PTPRT: variants seen among roughly 807,000 people sequenced by gnomAD.
PTPRT encodes protein tyrosine phosphatase receptor type T, also known as receptor-type tyrosine-protein phosphatase T.
A neutral mutation model predicts 176.8 loss-of-function variants in PTPRT; 56 were observed. The ratio of observed to expected loss-of-function variants is 0.32; its 90% confidence interval spans 0.26 to 0.40. The LOEUF (loss-of-function observed/expected upper bound fraction) is 0.40, where lower values mean the gene tolerates loss of function less well. PTPRT is among the 10% of genes least tolerant of loss of function. The probability of loss-of-function intolerance (pLI) is 1.00; values close to 1 mark genes in which losing one functional copy is unlikely to be tolerated. For missense variants in PTPRT, 1,540 were observed against 1,908.2 expected (o/e 0.81, Z 3.60); for synonymous variants, 783 against 739.0 (o/e 1.06, Z -0.96).
At chr20:42,643,563 C>G (rs1350900416) in intron 7 of PTPRT, among the ~76,000 whole-genome samples, 1 of 151,272 alleles carries the variant, frequency 6.6e-6, no homozygotes, top group East Asian at 1.9e-4. Context: ...GCAATCCTCC[C>G]AACTTGGCCT....
intron 15 of PTPRT, among the ~76,000 whole-genome samples, chr20:42,210,567 A>C (rs1011536134): frequency 6.6e-6 from 1 of 152,156 alleles, no homozygotes; most frequent in African/African-American, 2.4e-5. Flanking sequence ...AGAATAAAAT[A>C]CCTAGGAATC....
intron 7 of PTPRT, among the ~76,000 whole-genome samples, chr20:42,547,838 C>T (rs368235235): frequency 6.6e-6 from 1 of 151,976 alleles, no homozygotes; most frequent in Non-Finnish European, 1.5e-5. Context: ...GAATGCCACA[C>T]AGTCAACAAA....
intron 1 of PTPRT, among the ~76,000 whole-genome samples, chr20:43,043,737 G>C (rs1261538988): frequency 6.6e-6 from 1 of 152,176 alleles, no homozygotes; most frequent in Non-Finnish European, 1.5e-5. Context: ...AAATTATCCA[G>C]TCCAGCCTTC....
chr20:42,950,070 G>C (rs11905889), intron 1 of PTPRT, among the ~76,000 whole-genome samples: 3,436 of 152,276 alleles, frequency 0.023, 89 homozygotes, highest in African/African-American at 0.06. Flanking sequence ...AAGCGGTACT[G>C]CAAGTGTTAT....
At chr20:42,694,295 C>T (rs1256078762) in intron 6 of PTPRT, among the ~76,000 whole-genome samples, 2 of 152,122 alleles carry the variant, frequency 1.3e-5, no homozygotes, top group Non-Finnish European at 2.9e-5. Flanking sequence ...GCCTTGGCCT[C>T]CTAAAGTGCT....
chr20:42,323,674 A>G (rs985899522), intron 11 of PTPRT, among the ~76,000 whole-genome samples: 21 of 152,192 alleles, frequency 1.4e-4, no homozygotes, highest in Non-Finnish European at 2.6e-4. Context: ...TGACGAGTTA[A>G]TGGGTACAGC....
chr20:42,804,579 G>A (rs568020670), intron 2 of PTPRT, among the ~76,000 whole-genome samples: 70 of 152,338 alleles, frequency 4.6e-4, no homozygotes, highest in African/African-American at 1.6e-3. Flanking sequence ...CCCTGAAGCC[G>A]CCATAACAAA....
intron 1 of PTPRT, among the ~76,000 whole-genome samples, chr20:43,167,803 C>T (rs1156265690): frequency 6.6e-6 from 1 of 152,156 alleles, no homozygotes; most frequent in Non-Finnish European, 1.5e-5. Context: ...AGTCCAGCAG[C>T]CTGCAAGAAA....
chr20:42,451,540 A>C (rs2070827512), intron 8 of PTPRT, among the ~76,000 whole-genome samples: 1 of 152,272 alleles, frequency 6.6e-6, no homozygotes, highest in Non-Finnish European at 1.5e-5. Context: ...CTAAGTGAAG[A>C]AGAACTCCAG....
intron 7 of PTPRT, among the ~76,000 whole-genome samples, chr20:42,631,911 C>G (rs1033422751): frequency 6.6e-6 from 1 of 152,140 alleles, no homozygotes; most frequent in Non-Finnish European, 1.5e-5. Context: ...TAGCCTGATA[C>G]AAATGTCTTT....
chr20:42,061,875 C>A, the PTPRT span, among the ~76,000 whole-genome samples: 2 of 152,240 alleles, frequency 1.3e-5, no homozygotes, highest in Non-Finnish European at 2.9e-5. Flanking sequence ...ACATTTTCTG[C>A]AGGCCTGATG....
intron 1 of PTPRT, among the ~76,000 whole-genome samples, chr20:43,172,966 G>A (rs1427994530): frequency 1.4e-5 from 2 of 143,894 alleles, no homozygotes; most frequent in African/African-American, 5.2e-5. Flanking sequence ...TCCACCTCCC[G>A]GGTTCAAGGG....
intron 1 of PTPRT, among the ~76,000 whole-genome samples, chr20:42,938,711 A>G (rs1257639533): frequency 6.6e-6 from 1 of 152,138 alleles, no homozygotes; most frequent in African/African-American, 2.4e-5. Context: ...CCATTGTGCA[A>G]TGAAAGAAGG....
chr20:42,066,887 A>G, the PTPRT span, among the ~76,000 whole-genome samples: 3 of 152,328 alleles, frequency 2.0e-5, no homozygotes. Flanking sequence ...GTTGGATACA[A>G]CAACAAAAAA....
At chr20:42,120,175 T>C (rs1987513421) in intron 19 of PTPRT, among the ~76,000 whole-genome samples, 1 of 142,514 alleles carries the variant, frequency 7.0e-6, no homozygotes, top group African/African-American at 3.1e-5. Context: ...GCTATTTTTA[T>C]AGTTACTTGT....
intron 8 of PTPRT, among the ~76,000 whole-genome samples, chr20:42,449,931 TA>T (rs976490128): frequency 9.2e-5 from 14 of 152,276 alleles, no homozygotes; most frequent in African/African-American, 2.9e-4. Flanking sequence ...AAAATTTTAT[TA>T]AAAAAAGATA....
intron 7 of PTPRT, among the ~76,000 whole-genome samples, chr20:42,624,030 A>AAAAAAAAC (rs1555888335): frequency 3.1e-4 from 45 of 145,748 alleles, no homozygotes; most frequent in East Asian, 5.8e-4. Flanking sequence ...CAAACAAAAA[A>AAAAAAAAC]AAAAAACCCT....
At chr20:43,162,712 C>T (rs550793235) in intron 1 of PTPRT, among the ~76,000 whole-genome samples, 1 of 129,676 alleles carries the variant, frequency 7.7e-6, no homozygotes, top group African/African-American at 2.5e-5. Flanking sequence ...TTCAGCCACA[C>T]CAGTCAGTCA....
rs1166848451 is a variant in PTPRT, at chr20:42,568,963, G to A, written c.1154-96401C>T. ...ACTTGGGAAGCTGAGCAGAAGAATC[G>A]CTTGAACCCGGGAGGTGGAGGTTGC... On this transcript the variant is annotated intron_variant, in intron 7 of 30. Coordinates refer to ENST00000373187, the MANE Select transcript of PTPRT (RefSeq NM_007050.6). 6.4e-5 allele frequency among the ~76,000 whole-genome samples: 9 copies of A among 141,660 alleles called. No individual in the cohort carries two copies. In the South Asian group the frequency reaches 1.7e-3, roughly 26 times the overall value. 92.9% of individuals were successfully genotyped at this position (141,660 alleles called of 152,430 possible).
Sources: gnomAD v4.1 joint callset for allele counts (sites outside exome capture counted in the v4.1 genomes callset) on GRCh38, gnomAD v4.1.1 for gene constraint, MANE v1.5 for transcripts, NCBI Gene and HGNC (gene_info 2026-07-23, HGNC 2026-07-21) for gene names.